FBXO34: variants seen among roughly 807,000 people sequenced by gnomAD.
FBXO34 encodes the protein F-box protein 34.
A neutral mutation model predicts 24.5 loss-of-function variants in FBXO34; 12 were observed. That is an observed-to-expected ratio of 0.49 (90% CI 0.31 to 0.79). The LOEUF is 0.79. FBXO34 is among the 30% of genes least tolerant of loss of function. The pLI is 0.04. For synonymous variants in FBXO34, 320 were observed against 311.9 expected (o/e 1.03, Z -0.27); for missense variants, 823 against 857.7 (o/e 0.96, Z 0.51).
intron 1 of FBXO34, among the ~76,000 whole-genome samples, chr14:55,316,265 A>G (rs1427246314): frequency 6.6e-6 from 1 of 152,146 alleles, no homozygotes; most frequent in African/African-American, 2.4e-5. Flanking sequence ...ATGAACATGT[A>G]GAGTCCCTTG....
Position 55,331,711 on chromosome 14 carries a change from ATATATG to A in FBXO34, c.-10-18664_-10-18659del, listed in dbSNP as rs1482253227. On this transcript the variant is annotated intron_variant, in intron 1 of 1. Coordinates refer to ENST00000313833, the MANE Select transcript of FBXO34 (RefSeq NM_017943.4). The stretch of plus-strand genomic sequence containing the variant: ...TGTATATATATATATATATGTATAT[ATATATG>A]TATATATATATGTATATATATATGT... Among the ~76,000 whole-genome samples the A allele has an allele frequency of 8.7e-4, 44 of 50,488 alleles. 11 individuals are homozygous for A. Among genetic ancestry groups the A allele is most frequent in the African/African-American group, 6.9e-3 (41 of 5,956 alleles). 33.1% of individuals were successfully genotyped at this position (50,488 alleles called of 152,430 possible).
Position 55,351,502 on chromosome 14 carries a change from A to G in FBXO34, c.1112A>G (p.Gln371Arg). The G allele has an allele frequency of 6.2e-7, 1 of 1,614,194 alleles. No homozygotes were observed. The highest frequency in any genetic ancestry group is 1.3e-5 in the African/African-American group (1 of 75,054). The change falls in exon 2 of 2, where the codon CAG (glutamine) becomes CGG (arginine). Residue 371 changes from glutamine to arginine, a missense_variant. By Grantham distance (43) the Gln-to-Arg change is conservative. Around this residue, in one of 2 missense-constraint regions of FBXO34, gnomAD observed 693 missense variants for 659.1 expected, o/e 1.05. Coordinates refer to ENST00000313833, the MANE Select transcript of FBXO34 (RefSeq NM_017943.4). The stretch of plus-strand genomic sequence containing the variant: ...GACCAGGCCTGGGACGGTGCTTCTC[A>G]GGACTGCCCCCCATTGCCAGCAGGA... ...KEDQAWDGAS[Q>R]DCPPLPAGVS...
intron 1 of FBXO34, among the ~76,000 whole-genome samples, chr14:55,326,612 T>G (rs895510598): frequency 3.3e-5 from 5 of 152,202 alleles, no homozygotes; most frequent in Non-Finnish European, 7.3e-5. Context: ...GAAATAAATT[T>G]CCCAGTAGCT....
the FBXO34 span, chr14:55,436,610 T>G: frequency 6.2e-7 from 1 of 1,614,192 alleles, no homozygotes; most frequent in Non-Finnish European, 8.5e-7. Context: ...GTCATTGGTG[T>G]CATGGGAGTT....
chr14:55,414,159 A>C, the FBXO34 span: 5 of 511,158 alleles, frequency 9.8e-6, no homozygotes, highest in Non-Finnish European at 1.1e-5. Context: ...AAATCTCTCA[A>C]ATTTTGAAAT....
intron 1 of FBXO34, among the ~76,000 whole-genome samples, chr14:55,304,622 C>G (rs1310292603): frequency 6.6e-6 from 1 of 152,094 alleles, no homozygotes; most frequent in Non-Finnish European, 1.5e-5. Flanking sequence ...GCCTCAGCCT[C>G]TGGAGTAGCT....
chr14:55,378,628 T>A, the FBXO34 span, among the ~76,000 whole-genome samples: 4 of 150,496 alleles, frequency 2.7e-5, no homozygotes, highest in African/African-American at 9.7e-5. Flanking sequence ...CCTCCCTCCC[T>A]CAGTTCCCCT....
chr14:55,385,298 T>C, the FBXO34 span, among the ~76,000 whole-genome samples: 1 of 152,152 alleles, frequency 6.6e-6, no homozygotes, highest in Admixed American at 6.5e-5. Flanking sequence ...GGTTTTTTTT[T>C]GTTTGTTTCT....
At chr14:55,434,373 A>G in the FBXO34 span, among the ~76,000 whole-genome samples, 10 of 152,074 alleles carry the variant, frequency 6.6e-5, no homozygotes, top group Non-Finnish European at 1.2e-4. Flanking sequence ...GGCCTGCCAC[A>G]TGGACGTGTC....
chr14:55,325,562 G>A (rs535521268), intron 1 of FBXO34, among the ~76,000 whole-genome samples: 2 of 151,928 alleles, frequency 1.3e-5, no homozygotes, highest in East Asian at 1.9e-4. Context: ...CGCAACCTCC[G>A]CCTCCTGGGT....
chr14:55,378,547 C>T, the FBXO34 span, among the ~76,000 whole-genome samples: 24 of 152,150 alleles, frequency 1.6e-4, no homozygotes, highest in Admixed American at 1.6e-3. Context: ...TTTGCAACTG[C>T]CATTCTTTTT....
chr14:55,351,134 G>A lies in FBXO34; in HGVS notation c.744G>A (p.Val248=). 2 of 1,614,210 alleles carry A rather than the reference G, an allele frequency of 1.2e-6. No individual in the cohort carries two copies. Among genetic ancestry groups the A allele is most frequent in the Non-Finnish European group, 1.7e-6 (2 of 1,180,046 alleles). The change falls in exon 2 of 2, where the codon GTG becomes GTA. Residue 248 remains valine, a synonymous_variant. Transcript: ENST00000313833. ...FSGQSRGVPA[V]SESYSAPGAC... is the part of the protein sequence containing the mutation. Reference sequence around the variant, plus strand: ...GCCAATCCAGAGGTGTGCCTGCAGTGTCTGAGTCCTATTCTGCCCCAGGAG... The same window carrying A: ...GCCAATCCAGAGGTGTGCCTGCAGTATCTGAGTCCTATTCTGCCCCAGGAG...
At chr14:55,394,069 C>T in the FBXO34 span, among the ~76,000 whole-genome samples, 20 of 149,296 alleles carry the variant, frequency 1.3e-4, no homozygotes, top group Non-Finnish European at 2.4e-4. Flanking sequence ...TACAGTGGCG[C>T]AATCTCGGCT....
the FBXO34 span, chr14:55,377,839 T>G: frequency 6.3e-7 from 1 of 1,595,610 alleles, no homozygotes; most frequent in South Asian, 1.1e-5. Flanking sequence ...GTTCAGAGCT[T>G]GGACTGACCA....
At chr14:55,343,655 C>A (rs1024298062) in intron 1 of FBXO34, among the ~76,000 whole-genome samples, 8 of 152,160 alleles carry the variant, frequency 5.3e-5, no homozygotes, top group African/African-American at 1.9e-4. Context: ...GAAACATGAA[C>A]TGTCGTATCT....
the FBXO34 span, chr14:55,433,547 G>T: frequency 7.4e-7 from 1 of 1,343,354 alleles, no homozygotes; most frequent in East Asian, 2.3e-5. Flanking sequence ...TCTACTATGT[G>T]CTTTAGCACA....
chr14:55,392,019 C>G, the FBXO34 span, among the ~76,000 whole-genome samples: 2 of 152,110 alleles, frequency 1.3e-5, no homozygotes, highest in Non-Finnish European at 2.9e-5. Context: ...TTTTTTGGCA[C>G]CAGGGACCAG....
chr14:55,384,051 A>G, the FBXO34 span, among the ~76,000 whole-genome samples: 1 of 152,192 alleles, frequency 6.6e-6, no homozygotes, highest in East Asian at 1.9e-4. Context: ...TGCCACAGAT[A>G]AGACTGTGGC....
At chr14:55,369,715 C>T (rs147545593), downstream of FBXO34, 39 of 1,611,294 alleles carry the variant, frequency 2.4e-5, no homozygotes, top group Admixed American at 3.0e-4. Flanking sequence ...TGGGTGGGGA[C>T]GCCTGGGTGC....
Sources: allele counts gnomAD v4.1 joint callset (sites outside exome capture counted in the v4.1 genomes callset), GRCh38; gene constraint gnomAD v4.1.1; regional missense constraint gnomAD v4.1.1; transcripts MANE v1.5; gene names NCBI Gene and HGNC (gene_info 2026-07-23, HGNC 2026-07-21).